Variants in LRRC7 observed in about 807,000 individuals in gnomAD.
The protein encoded by LRRC7 is leucine rich repeat containing 7, also known as leucine-rich repeat-containing protein 7.
A neutral mutation model predicts 175.7 loss-of-function variants in LRRC7; 23 were observed. That is an observed-to-expected ratio of 0.13 (90% confidence interval 0.09 to 0.19). The LOEUF (loss-of-function observed/expected upper bound fraction) is 0.19, where lower values mean the gene tolerates loss of function less well. Ranked by LOEUF, LRRC7 falls within the 10% of genes least tolerant of loss-of-function variation. The probability of loss-of-function intolerance (pLI) is 1.00; values close to 1 mark genes in which losing one functional copy is unlikely to be tolerated. For synonymous variants in LRRC7, 685 were observed against 680.9 expected (o/e 1.01, Z -0.09); for missense variants, 1,354 against 1,904.7 (o/e 0.71, Z 5.38).
At chr1:69,646,125 T>G (rs1654975354) in intron 1 of LRRC7, among the ~76,000 whole-genome samples, 1 of 152,080 alleles carries the variant, frequency 6.6e-6, no homozygotes, top group Non-Finnish European at 1.5e-5. Context: ...CTTACTCCCT[T>G]TTTTTCAAAC....
chr1:69,745,739 G>A (rs1266265345), intron 2 of LRRC7, among the ~76,000 whole-genome samples: 1 of 151,674 alleles, frequency 6.6e-6, no homozygotes, highest in African/African-American at 2.4e-5. Flanking sequence ...GTGTGTGTTT[G>A]TGTATGTATT....
At chr1:69,902,121 GC>G (rs1557868047) in intron 7 of LRRC7, among the ~76,000 whole-genome samples, 2 of 152,102 alleles carry the variant, frequency 1.3e-5, no homozygotes. Context: ...CTAATTGGGA[GC>G]TTTTATAACT....
At chr1:69,792,918 T>C (rs913334999) in intron 4 of LRRC7, among the ~76,000 whole-genome samples, 4 of 152,094 alleles carry the variant, frequency 2.6e-5, no homozygotes, top group African/African-American at 9.7e-5. Flanking sequence ...TCTTCATTTC[T>C]TTCCAAATGA....
chr1:70,032,979 G>A (rs763802353), intron 18 of LRRC7, among the ~76,000 whole-genome samples: 3 of 152,266 alleles, frequency 2.0e-5, no homozygotes, highest in South Asian at 2.1e-4. Flanking sequence ...GTCATTGCCC[G>A]TAGAAGTAGT....
intron 2 of LRRC7, among the ~76,000 whole-genome samples, chr1:69,713,660 G>T (rs1665030595): frequency 1.3e-5 from 2 of 151,608 alleles, no homozygotes; most frequent in South Asian, 4.2e-4. Context: ...ACTGTTGAAT[G>T]ACTGTTTCCT....
intron 7 of LRRC7, among the ~76,000 whole-genome samples, chr1:69,887,932 G>A (rs12754241): frequency 1.4e-5 from 2 of 143,116 alleles, no homozygotes; most frequent in Admixed American, 7.1e-5. Context: ...GGCTGCTCAG[G>A]GGTCAGGGGT....
At chr1:70,007,798 G>T (rs533883852) in intron 11 of LRRC7, among the ~76,000 whole-genome samples, 1 of 152,026 alleles carries the variant, frequency 6.6e-6, no homozygotes, top group South Asian at 2.1e-4. Context: ...ACTTCCTCTG[G>T]GACATCTTCA....
At chr1:69,922,526 C>A (rs569131547) in intron 7 of LRRC7, among the ~76,000 whole-genome samples, 75 of 152,260 alleles carry the variant, frequency 4.9e-4, no homozygotes, top group African/African-American at 1.8e-3. Context: ...GGGGACAACA[C>A]CTTTCATCTT....
chr1:69,569,616 C>A (rs1645650472), intron 1 of LRRC7, among the ~76,000 whole-genome samples: 1 of 151,906 alleles, frequency 6.6e-6, no homozygotes, highest in African/African-American at 2.4e-5. Flanking sequence ...GTATAGATTG[C>A]CTTTTAAAAT....
At chr1:69,831,293 G>A (rs981402695) in intron 5 of LRRC7, among the ~76,000 whole-genome samples, 1 of 151,940 alleles carries the variant, frequency 6.6e-6, no homozygotes, top group Non-Finnish European at 1.5e-5. Flanking sequence ...AGACATCAAA[G>A]ATAATAGTTA....
chr1:69,943,670 AG>A (rs67013676), intron 8 of LRRC7, among the ~76,000 whole-genome samples: 20,211 of 152,000 alleles, frequency 0.13, 2,200 homozygotes, highest in African/African-American at 0.3. Flanking sequence ...ATATGGCCCA[AG>A]TGAACACTTT....
At chr1:69,717,992 GAGAA>G (rs1415126134) in intron 2 of LRRC7, among the ~76,000 whole-genome samples, 16 of 142,080 alleles carry the variant, frequency 1.1e-4, no homozygotes, top group Middle Eastern at 3.6e-3. Context: ...AGAGGAGGGA[GAGAA>G]AGAAAGAAAA....
rs946856359 is a variant in LRRC7, at chr1:70,126,451, G to C, written c.*4564G>C. Among the ~76,000 whole-genome samples the C allele has an allele frequency of 6.6e-6, 1 of 152,092 alleles. No homozygotes were observed. The highest frequency in any genetic ancestry group is 2.1e-4 in the South Asian group (1 of 4,830). On this transcript the variant is annotated 3_prime_UTR_variant, in exon 27 of 27. Coordinates refer to ENST00000651989, the MANE Select transcript of LRRC7 (RefSeq NM_001370785.2). The stretch of plus-strand genomic sequence containing the variant: ...AATGTTCAAACTCTGGGTTGGTAAT[G>C]TGTCCTCTCTTCACACTTGTAGCTA...
chr1:69,774,288 C>T (rs1473310828), intron 3 of LRRC7, among the ~76,000 whole-genome samples: 2 of 152,138 alleles, frequency 1.3e-5, no homozygotes, highest in African/African-American at 4.8e-5. Flanking sequence ...ATCCGATGTG[C>T]TTTACATTTA....
In LRRC7 at chr1:69,781,893, G is replaced by A. The variant is rs60987959; in HGVS notation, c.304-10150G>A. On this transcript the variant is annotated intron_variant, in intron 3 of 26. Coordinates refer to ENST00000651989, the MANE Select transcript of LRRC7 (RefSeq NM_001370785.2). ...GGAAGGAAGAAAGAAAAGGAAGGAA[G>A]GAAGGGAAAGAAAGAAAAAGAAGAA... Among the ~76,000 whole-genome samples, 823 of 130,554 alleles carry A rather than the reference G, an allele frequency of 6.3e-3. 23 individuals are homozygous for A. Among genetic ancestry groups the A allele is most frequent in the Non-Finnish European group, 8.6e-3 (530 of 61,388 alleles). 85.6% of individuals were successfully genotyped at this position (130,554 alleles called of 152,430 possible).
At chr1:69,888,221 C>T (rs1645712931) in intron 7 of LRRC7, among the ~76,000 whole-genome samples, 2 of 152,120 alleles carry the variant, frequency 1.3e-5, no homozygotes, top group African/African-American at 2.4e-5. Flanking sequence ...CCCAGCCTCA[C>T]TGCCTCCTTG....
chr1:69,912,277 C>T (rs1362850688), intron 7 of LRRC7, among the ~76,000 whole-genome samples: 1 of 152,156 alleles, frequency 6.6e-6, no homozygotes, highest in Non-Finnish European at 1.5e-5. Flanking sequence ...TATATGCACA[C>T]ATGCATATGT....
chr1:69,847,080 T>C (rs889018913), intron 7 of LRRC7, among the ~76,000 whole-genome samples: 2 of 152,078 alleles, frequency 1.3e-5, no homozygotes, highest in Non-Finnish European at 2.9e-5. Context: ...CTTTTTGCTT[T>C]TAAAATTGGT....
At chr1:69,727,833 A>C (rs1667141305) in intron 2 of LRRC7, among the ~76,000 whole-genome samples, 1 of 152,202 alleles carries the variant, frequency 6.6e-6, no homozygotes, top group Non-Finnish European at 1.5e-5. Context: ...CCATAATCTT[A>C]TGTTCATAAA....
Sources: allele counts gnomAD v4.1 joint callset (sites outside exome capture counted in the v4.1 genomes callset), GRCh38; gene constraint gnomAD v4.1.1; transcripts MANE v1.5; gene names NCBI Gene and HGNC (gene_info 2026-07-23, HGNC 2026-07-21).